MACF1: variants seen among roughly 807,000 people sequenced by gnomAD.
MACF1 encodes the protein microtubule actin crosslinking factor 1, also known as microtubule-actin cross-linking factor 1.
MACF1 carries 193 observed loss-of-function variants against 854.8 expected under a neutral mutation model. That is an observed-to-expected ratio of 0.23 (90% CI 0.20 to 0.25). The LOEUF (loss-of-function observed/expected upper bound fraction) is 0.25. MACF1 is among the 10% of genes least tolerant of loss of function. MACF1 has a pLI of 1.00. For synonymous variants in MACF1, 3,185 were observed against 3,226.7 expected, an observed-to-expected ratio of 0.99 and a Z score of 0.44; for missense variants, 7,722 against 8,929.1, an observed-to-expected ratio of 0.86 and a Z score of 5.45.
Position 39,336,282 on chromosome 1 carries a change from C to G in MACF1, c.9694C>G (p.Gln3232Glu). 1 of 1,614,140 alleles carries G rather than the reference C, an allele frequency of 6.2e-7. No individual in the cohort carries two copies. The highest frequency in any genetic ancestry group is 8.5e-7 in the Non-Finnish European group (1 of 1,180,018). The change falls in exon 37 of 101, where the codon CAG becomes GAG. Residue 3232 changes from glutamine to glutamate, a missense_variant. This residue lies in a region of MACF1 where 854 missense variants were observed against 852.6 expected (regional missense o/e 1.00). Transcript: ENST00000564288. Reference protein sequence around the residue: ...CGTLKSEIATQELTGEKFLEM... With the variant: ...CGTLKSEIATEELTGEKFLEM... ...AACTCTCAAATCTGAAATAGCAACA[C>G]AGGAACTAACTGGAGAGAAATTTCT...
chr1:39,244,343 G>C (rs1055271433), intron 2 of MACF1, among the ~76,000 whole-genome samples: 4 of 151,924 alleles, frequency 2.6e-5, no homozygotes, highest in Non-Finnish European at 4.4e-5. Context: ...GTGCAGTGTC[G>C]TGATCTCGGT....
intron 89 of MACF1, 167 bp from the exon 90 acceptor site, chr1:39,458,203 G>T: frequency 1.7e-6 from 1 of 596,340 alleles, no homozygotes; most frequent in Non-Finnish European, 2.9e-6. Context: ...ATTTGGAGGG[G>T]ACAAATATCC....
At chr1:39,087,405 A>G (rs972882326) in intron 2 of MACF1, among the ~76,000 whole-genome samples, 3 of 152,242 alleles carry the variant, frequency 2.0e-5, no homozygotes, top group African/African-American at 7.2e-5. Context: ...CACACATGTC[A>G]GAGTAGAGAG....
chr1:39,392,824 G>T (rs1642087823), intron 58 of MACF1, among the ~76,000 whole-genome samples: 3 of 152,122 alleles, frequency 2.0e-5, no homozygotes, highest in Admixed American at 6.6e-5. Context: ...GTCCTCACTG[G>T]CAGACCAGAT....
At chr1:39,432,901 A>G (rs919796915) in intron 67 of MACF1, 147 bp from the exon 68 acceptor site, 45 of 611,740 alleles carry the variant, frequency 7.4e-5, no homozygotes, top group South Asian at 1.4e-4. Flanking sequence ...TACTAAAAAG[A>G]TAAGCTAGAG....
chr1:39,354,922 A>G (rs1647398875), intron 44 of MACF1, among the ~76,000 whole-genome samples: 1 of 152,244 alleles, frequency 6.6e-6, no homozygotes, highest in African/African-American at 2.4e-5. Flanking sequence ...GGAATTAGAA[A>G]TAAGCCAGTG....
chr1:39,263,041 G>T (rs1645183929), intron 6 of MACF1, among the ~76,000 whole-genome samples: 1 of 145,500 alleles, frequency 6.9e-6, no homozygotes, highest in African/African-American at 2.6e-5. Flanking sequence ...TGTCATTGTG[G>T]TTTTCTAGTC....
chr1:39,406,756 A>AAAAAAAAAAAAAAAACAAC (rs746955922), intron 58 of MACF1, among the ~76,000 whole-genome samples: 1 of 116,058 alleles, frequency 8.6e-6, no homozygotes, highest in African/African-American at 3.8e-5. Context: ...AAAAAAAAAA[A>AAAAAAAAAAAAAAAACAAC]AACATTCTTT....
At chr1:39,142,844 C>T (rs1643374284) in intron 2 of MACF1, among the ~76,000 whole-genome samples, 1 of 152,192 alleles carries the variant, frequency 6.6e-6, no homozygotes, top group East Asian at 1.9e-4. Flanking sequence ...GCACTCTTGG[C>T]ATAATGCACT....
intron 23 of MACF1, among the ~76,000 whole-genome samples, chr1:39,308,846 G>A (rs1011680599): frequency 6.8e-4 from 103 of 152,000 alleles, no homozygotes; most frequent in African/African-American, 2.5e-3. Flanking sequence ...AATAGAGATG[G>A]GGTTTCTCCT....
At chr1:39,436,208 G>A (rs541190821) in intron 70 of MACF1, among the ~76,000 whole-genome samples, 28 of 152,302 alleles carry the variant, frequency 1.8e-4, no homozygotes, top group African/African-American at 6.7e-4. Context: ...CCAAAGAGAA[G>A]CATAAACCAG....
rs570921141 is a variant in MACF1 at position 39,288,977 on chromosome 1, T to G, written c.1785+1415T>G. On this transcript the variant is annotated intron_variant, in intron 15 of 100. Transcript: ENST00000564288. Reference sequence around the variant, plus strand: ...TTGATTTATACATCCCACAGCTAAGTGAGAACATGCATTGTTTGTCTTTCT... The same window carrying G: ...TTGATTTATACATCCCACAGCTAAGGGAGAACATGCATTGTTTGTCTTTCT... Among the ~76,000 whole-genome samples the G allele has an allele frequency of 3.9e-5, 6 of 152,356 alleles. No individual in the cohort carries two copies. The East Asian group carries it at 1.2e-3, about 29-fold the overall frequency.
chr1:39,413,800 C>G (rs1643152472), intron 58 of MACF1: 1 of 1,611,642 alleles, frequency 6.2e-7, no homozygotes, highest in African/African-American at 1.3e-5. Flanking sequence ...AGTGCCCACC[C>G]CAGCAGAATC....
chr1:39,343,777 G>C (rs1413300665), intron 40 of MACF1, among the ~76,000 whole-genome samples: 1 of 152,162 alleles, frequency 6.6e-6, no homozygotes, highest in East Asian at 1.9e-4. Flanking sequence ...CATAAGGCAG[G>C]GGGAGAGACT....
At position 39,357,498 on chromosome 1, in the gene MACF1, A is replaced by G; in HGVS notation, c.11548A>G (p.Lys3850Glu). ...TPEEQQMLQQ[K>E]LGELKEQYST... Reference sequence around the variant, plus strand: ...TGAGGAGCAACAGATGCTGCAACAGAAGCTGGGAGAGCTAAAGGAACAATA... The same window carrying G: ...TGAGGAGCAACAGATGCTGCAACAGGAGCTGGGAGAGCTAAAGGAACAATA... The change falls in exon 45 of 101, where the codon AAG (lysine) becomes GAG (glutamate). Residue 3850 changes from lysine (K) to glutamate (E), a missense_variant. Physicochemically the swap from Lys to Glu is moderately conservative, Grantham distance 56. Around this residue, in one of 15 missense-constraint regions of MACF1, gnomAD observed 2,807 missense variants for 3,235.8 expected, o/e 0.87. Transcript: ENST00000564288. 1.9e-6 allele frequency: 3 copies of G among 1,614,188 alleles called. No individual in the cohort carries two copies. In the East Asian group the frequency reaches 6.7e-5, roughly 36 times the overall value.
chr1:39,412,202 G>A, intron 58 of MACF1: 1 of 1,613,936 alleles, frequency 6.2e-7, no homozygotes, highest in Non-Finnish European at 8.5e-7. Context: ...GGTGAGGAGT[G>A]CATTGAGAGG....
At chr1:39,319,088 T>C (rs552957853) in intron 30 of MACF1, among the ~76,000 whole-genome samples, 76 of 152,276 alleles carry the variant, frequency 5.0e-4, no homozygotes, top group African/African-American at 1.6e-3. Flanking sequence ...GGATTCCAAT[T>C]CTGGCTCACT....
At chr1:39,119,366 ATTGTAATTC>A (rs910994912) in intron 2 of MACF1, among the ~76,000 whole-genome samples, 4 of 151,584 alleles carry the variant, frequency 2.6e-5, no homozygotes, top group Non-Finnish European at 5.9e-5. Context: ...AAGTGTTATA[ATTGTAATTC>A]TTGTAATTCC....
intron 23 of MACF1, chr1:39,304,218 T>A: frequency 9.7e-6 from 2 of 207,184 alleles, no homozygotes; most frequent in South Asian, 1.0e-4. Flanking sequence ...GTGTGTGATG[T>A]TCCCCTTCCT....
Sources: allele counts gnomAD v4.1 joint callset (sites outside exome capture counted in the v4.1 genomes callset), GRCh38; gene constraint gnomAD v4.1.1; regional missense constraint gnomAD v4.1.1; transcripts MANE v1.5; gene names NCBI Gene and HGNC (gene_info 2026-07-23, HGNC 2026-07-21).